The following KCNJ3 variants were observed in gnomAD, a reference collection of about 807,000 sequenced individuals.
KCNJ3 encodes G protein-activated inward rectifier potassium channel 1.
In KCNJ3, 4 loss-of-function variants were observed where a neutral mutation model predicts 39.2. The ratio of observed to expected loss-of-function variants is 0.10; its 90% CI spans 0.05 to 0.23. KCNJ3 has a LOEUF of 0.23. KCNJ3 is among the 10% of genes least tolerant of loss of function. KCNJ3 has a pLI of 1.00. For synonymous variants in KCNJ3, 230 were observed against 237.4 expected (o/e 0.97, Z 0.29); for missense variants, 276 against 634.9 (o/e 0.43, Z 6.08).
intron 2 of KCNJ3, among the ~76,000 whole-genome samples, chr2:154,804,244 T>C (rs914181414): frequency 6.6e-6 from 1 of 152,134 alleles, no homozygotes; most frequent in Admixed American, 6.6e-5. Context: ...TGAATGTTGG[T>C]AAATGTTGAA....
In KCNJ3 at chr2:154,832,871, G is replaced by A. The variant is rs549744981; in HGVS notation, c.920-21856G>A. Reference sequence around the variant, plus strand: ...CATTTGTTTTGGAGAGTTGTGTGGAGATATGGAATAGGTACAACAAAACAG... The same window carrying A: ...CATTTGTTTTGGAGAGTTGTGTGGAAATATGGAATAGGTACAACAAAACAG... On this transcript the variant is annotated intron_variant, in intron 2 of 2. Transcript: ENST00000295101. Among the ~76,000 whole-genome samples, 72 of 152,294 alleles carry A rather than the reference G, an allele frequency of 4.7e-4. 2 individuals are homozygous for A. The highest frequency in any genetic ancestry group is 1.7e-3 in the African/African-American group (71 of 41,562).
At chr2:154,818,594 A>G (rs1271668631) in intron 2 of KCNJ3, among the ~76,000 whole-genome samples, 1 of 152,204 alleles carries the variant, frequency 6.6e-6, no homozygotes, top group Non-Finnish European at 1.5e-5. Context: ...ACTGAAGCTT[A>G]GAGAGACCCT....
chr2:154,749,134 G>T (rs1272637161), intron 2 of KCNJ3, among the ~76,000 whole-genome samples: 2 of 152,048 alleles, frequency 1.3e-5, no homozygotes, highest in Admixed American at 6.6e-5. Context: ...AGAAGTGAAG[G>T]TGTTCTTATA....
chr2:154,722,830 A>G (rs1685286673), intron 2 of KCNJ3, among the ~76,000 whole-genome samples: 1 of 152,170 alleles, frequency 6.6e-6, no homozygotes, highest in Non-Finnish European at 1.5e-5. Context: ...TGCTAGAGGA[A>G]GTTTGAACAA....
At chr2:154,719,997 T>C (rs536776132) in intron 2 of KCNJ3, among the ~76,000 whole-genome samples, 3 of 152,194 alleles carry the variant, frequency 2.0e-5, no homozygotes, top group Admixed American at 6.5e-5. Flanking sequence ...GCTGGATTCA[T>C]AGCAGTGACC....
At chr2:154,725,687 T>C (rs56123805) in intron 2 of KCNJ3, among the ~76,000 whole-genome samples, 13,884 of 152,098 alleles carry the variant, frequency 0.091, 684 homozygotes, top group African/African-American at 0.11. Context: ...AGGTGTCACA[T>C]TACCCAACTT....
chr2:154,800,822 C>T (rs1453416614), intron 2 of KCNJ3, among the ~76,000 whole-genome samples: 1 of 152,084 alleles, frequency 6.6e-6, no homozygotes, highest in Non-Finnish European at 1.5e-5. Flanking sequence ...GAGAAAGAGT[C>T]TCCTTATTGT....
chr2:154,702,501 TA>T, intron 1 of KCNJ3, among the ~76,000 whole-genome samples: 1 of 152,068 alleles, frequency 6.6e-6, no homozygotes, highest in South Asian at 2.1e-4. Context: ...TAATAGTTTT[TA>T]AATGCCTAAC....
At chr2:154,787,650 C>T (rs963000138) in intron 2 of KCNJ3, among the ~76,000 whole-genome samples, 6 of 152,098 alleles carry the variant, frequency 3.9e-5, no homozygotes, top group African/African-American at 2.4e-5. Context: ...AGCCATATCT[C>T]GGTGGAGTTA....
chr2:154,779,311 TG>T (rs1212311876), intron 2 of KCNJ3, among the ~76,000 whole-genome samples: 1 of 151,574 alleles, frequency 6.6e-6, no homozygotes, highest in African/African-American at 2.4e-5. Flanking sequence ...CATGAGATGG[TG>T]CTTAGGAACC....
chr2:154,840,704 T>C (rs1000240704), intron 2 of KCNJ3, among the ~76,000 whole-genome samples: 2 of 150,580 alleles, frequency 1.3e-5, no homozygotes, highest in Non-Finnish European at 3.0e-5. Context: ...CAATTGTGAA[T>C]GGGAGTTCAC....
chr2:154,824,665 T>G (rs1687239153), intron 2 of KCNJ3, among the ~76,000 whole-genome samples: 1 of 152,230 alleles, frequency 6.6e-6, no homozygotes, highest in Admixed American at 6.5e-5. Flanking sequence ...AACATATAAA[T>G]GTATTTTATA....
intron 2 of KCNJ3, among the ~76,000 whole-genome samples, chr2:154,770,163 C>G (rs1400960613): frequency 6.6e-6 from 1 of 152,172 alleles, no homozygotes; most frequent in Non-Finnish European, 1.5e-5. Context: ...ATATTTGCCA[C>G]AAAATTTATA....
Position 154,806,338 on chromosome 2 carries a change from C to A in KCNJ3, c.920-48389C>A, listed in dbSNP as rs547299989. Among the ~76,000 whole-genome samples, 239 of 152,238 alleles carry A rather than the reference C, an allele frequency of 1.6e-3. 3 individuals are homozygous for A. Among genetic ancestry groups the A allele is most frequent in the African/African-American group, 5.5e-3 (230 of 41,568 alleles). On this transcript the variant is annotated intron_variant, in intron 2 of 2. Coordinates refer to ENST00000295101, the MANE Select transcript of KCNJ3 (RefSeq NM_002239.4). ...AATGGAGCAATGCAATGGAACCAGACAGATGTTACACAAGCAGTGGGTTTG... is the reference window on the plus strand; with the variant it reads ...AATGGAGCAATGCAATGGAACCAGAAAGATGTTACACAAGCAGTGGGTTTG...
intron 2 of KCNJ3, among the ~76,000 whole-genome samples, chr2:154,784,166 C>A (rs1686487348): frequency 6.6e-6 from 1 of 152,066 alleles, no homozygotes; most frequent in Admixed American, 6.5e-5. Flanking sequence ...GATTTTCAAA[C>A]CATGTTTAAT....
At chr2:154,854,113 C>G (rs915162637) in intron 2 of KCNJ3, among the ~76,000 whole-genome samples, 1 of 152,132 alleles carries the variant, frequency 6.6e-6, no homozygotes, top group Non-Finnish European at 1.5e-5. Flanking sequence ...CCTCCCACCC[C>G]CCATAGCAAT....
At chr2:154,836,340 T>C (rs1390683042) in intron 2 of KCNJ3, among the ~76,000 whole-genome samples, 1 of 152,082 alleles carries the variant, frequency 6.6e-6, no homozygotes, top group African/African-American at 2.4e-5. Flanking sequence ...TTTCTGAAAA[T>C]GTCAATTTTA....
Position 154,851,483 on chromosome 2 carries a change from C to T in KCNJ3, c.920-3244C>T, listed in dbSNP as rs532707695. Among the ~76,000 whole-genome samples the T allele has an allele frequency of 2.6e-5, 4 of 152,236 alleles. No homozygotes were observed. The East Asian group carries it at 7.7e-4, about 29-fold the overall frequency. ...TCTATGTCTTTTACTTTCAAACTTTCAGTAGGTTTCTAAGAGAAGATATGT... is the reference window on the plus strand; with the variant it reads ...TCTATGTCTTTTACTTTCAAACTTTTAGTAGGTTTCTAAGAGAAGATATGT... On this transcript the variant is annotated intron_variant, in intron 2 of 2. Transcript: ENST00000295101.
chr2:154,820,907 T>C (rs1324646460), intron 2 of KCNJ3, among the ~76,000 whole-genome samples: 1 of 152,176 alleles, frequency 6.6e-6, no homozygotes, highest in South Asian at 2.1e-4. Context: ...ACTTTTAGAG[T>C]AAAGGGTTGG....
Sources: allele counts gnomAD v4.1 joint callset (sites outside exome capture counted in the v4.1 genomes callset), GRCh38; gene constraint gnomAD v4.1.1; transcripts MANE v1.5; gene names NCBI Gene and HGNC (gene_info 2026-07-23, HGNC 2026-07-21).